Variants in NKX6-1 observed in about 807,000 individuals in gnomAD.
The protein encoded by NKX6-1 is homeobox protein Nkx-6.1.
Under a neutral mutation model 24.9 loss-of-function variants are expected in NKX6-1, and 11 were observed. That is an observed-to-expected ratio of 0.44 (90% CI 0.28 to 0.73). The LOEUF is 0.73. Ranked by LOEUF, NKX6-1 falls within the 30% of genes least tolerant of loss-of-function variation. NKX6-1 has a pLI of 0.15. For synonymous variants in NKX6-1, 277 were observed against 242.9 expected (o/e 1.14, Z -1.31); for missense variants, 487 against 502.9 (o/e 0.97, Z 0.30).
In NKX6-1 at chr4:84,497,845, G is replaced by A; in HGVS notation, c.384C>T (p.Ser128=). ...AGGCGGAGGAGGCAGAGGCGGACGA[G>A]GAAGAGGAGGAGGAGGAACCGGAGG... ...ASPSGSSSSS[S]SSASASSASA... is the part of the protein sequence containing the mutation. Residue 128 remains serine (S), a synonymous_variant, in exon 1 of 3, where the codon TCC becomes TCT. Coordinates refer to ENST00000295886, the MANE Select transcript of NKX6-1 (RefSeq NM_006168.3). This position sits in a 1 kb window ranked among gnomAD's most constrained non-coding sequence, Gnocchi z 4.8. 7.9e-7 allele frequency: 1 copy of A among 1,272,350 alleles called. No homozygotes were observed. Among genetic ancestry groups the A allele is most frequent in the Non-Finnish European group, 9.9e-7 (1 of 1,012,944 alleles). 78.8% of individuals were successfully genotyped at this position (1,272,350 alleles called of 1,614,324 possible). A position where few individuals can be genotyped will look rare whatever the true frequency, so the allele number is the denominator to read the frequency against.
Position 84,497,791 on chromosome 4 carries a change from G to GGCCGCGGCAGCA in NKX6-1, c.426_437dup (p.Ala147_Ala150dup). ...CCGCCGGGGATGAGGCGGCGGCTGC[G>GGCCGCGGCAGCA]GCCGCGGCAGCAGCCGCGGCGGCGG... On this transcript the variant is annotated inframe_insertion, in exon 1 of 3. Transcript: ENST00000295886. This position sits in a 1 kb window ranked among gnomAD's most constrained non-coding sequence, Gnocchi z 4.8. 7.9e-7 allele frequency: 1 copy of GGCCGCGGCAGCA among 1,270,570 alleles called. No homozygotes were observed. The highest frequency in any genetic ancestry group is 9.9e-7 in the Non-Finnish European group (1 of 1,011,862). The allele number at this position is 1,270,570 out of a possible 1,614,324, so 78.7% of individuals were successfully genotyped here.
At position 84,497,130 on chromosome 4, in the gene NKX6-1, C is replaced by T. The variant is rs1720835582; in HGVS notation, c.670+429G>A. The stretch of plus-strand genomic sequence containing the variant: ...AGGCTGGCGAAGGCGGAATGGGGCG[C>T]TGGACGACAGGGAGGAGCCGGGAAA... On this transcript the variant is annotated intron_variant, in intron 1 of 2. Coordinates refer to ENST00000295886, the MANE Select transcript of NKX6-1 (RefSeq NM_006168.3). The surrounding 1 kb of genome is among the most constrained non-coding windows in gnomAD (Gnocchi z 4.8). Among the ~76,000 whole-genome samples the T allele has an allele frequency of 6.6e-6, 1 of 152,172 alleles. No individual in the cohort carries two copies. The highest frequency in any genetic ancestry group is 1.9e-4 in the East Asian group (1 of 5,150).
At position 84,495,584 on chromosome 4, in the gene NKX6-1, G is replaced by GGTGT. The variant is rs10549802; in HGVS notation, c.843+84_843+87dup. 411 of 960,602 alleles carry GGTGT rather than the reference G, an allele frequency of 4.3e-4. 1 individual carries two copies. The African/African-American group carries it at 5.8e-3, about 14-fold the overall frequency. The allele number at this position is 960,602 out of a possible 1,614,324, so 59.5% of individuals were successfully genotyped here. ...CCCAGGCGACTGTTTGTTAGTTTGG[G>GGTGT]GTGTGTGTGTGTGTGTGTGTGCCCA... On this transcript the variant is annotated intron_variant, in intron 2 of 2. Coordinates refer to ENST00000295886, the MANE Select transcript of NKX6-1 (RefSeq NM_006168.3).
Position 84,497,426 on chromosome 4 carries a change from G to T in NKX6-1, c.670+133C>A. 1.7e-6 allele frequency: 2 copies of T among 1,198,134 alleles called. No homozygotes were observed. The highest frequency in any genetic ancestry group is 4.3e-5 in the South Asian group (1 of 23,128). The allele number at this position is 1,198,134 out of a possible 1,614,324, so 74.2% of individuals were successfully genotyped here. A position where few individuals can be genotyped will look rare whatever the true frequency, so the allele number is the denominator to read the frequency against. On this transcript the variant is annotated intron_variant, in intron 1 of 2. Transcript: ENST00000295886. The surrounding 1 kb of genome is among the most constrained non-coding windows in gnomAD (Gnocchi z 4.8). ...AGCCCTGGCCCAACCTAACTGGTGT[G>T]ATTCCGGCGCTGTCAAACTACTGGG...
In NKX6-1 at chr4:84,498,199, G is replaced by C. The variant is rs777171886; in HGVS notation, c.30C>G (p.Thr10=). The C allele has an allele frequency of 6.2e-6, 8 of 1,297,708 alleles. No homozygotes were observed. Among genetic ancestry groups the C allele is most frequent in the Non-Finnish European group, 7.8e-6 (8 of 1,022,824 alleles). The allele number at this position is 1,297,708 out of a possible 1,614,324, so 80.4% of individuals were successfully genotyped here. Residue 10 remains threonine (T), a synonymous_variant, in exon 1 of 3, where the codon ACC becomes ACG. Transcript: ENST00000295886. MLAVGAMEG[T]RQSAFLLSSP... ...TGCTGAGCAGGAATGCGCTCTGCCG[G>C]GTGCCCTCCATTGCCCCCACCGCTA... is the stretch of plus-strand genomic sequence containing the variant.
Position 84,499,087 on chromosome 4 carries a change from C to G in NKX6-1, c.-859G>C, listed in dbSNP as rs1308994718. Among the ~76,000 whole-genome samples the G allele has an allele frequency of 3.9e-5, 6 of 152,178 alleles. No individual in the cohort carries two copies. The highest frequency in any genetic ancestry group is 8.8e-5 in the Non-Finnish European group (6 of 68,032). ...CCACTTCTGCAAACGGGCCCGGCGACCCCCGCCCCACCCCCGCTCCCTCTC... is the reference window on the plus strand; with the variant it reads ...CCACTTCTGCAAACGGGCCCGGCGAGCCCCGCCCCACCCCCGCTCCCTCTC... On this transcript the variant is annotated 5_prime_UTR_variant, in exon 1 of 3. Coordinates refer to ENST00000295886, the MANE Select transcript of NKX6-1 (RefSeq NM_006168.3).
In NKX6-1 at chr4:84,493,240, G is replaced by T. The variant is rs748899240; in HGVS notation, c.*49C>A. ...GCACGCGGTCCCCGCGCCCCTCGCG[G>T]CCCCAGAGGTGGAGGCCGGAGCCGG... On this transcript the variant is annotated 3_prime_UTR_variant, in exon 3 of 3. Transcript: ENST00000295886. This position sits in a 1 kb window ranked among gnomAD's most constrained non-coding sequence, Gnocchi z 5.1. The T allele has an allele frequency of 6.2e-6, 9 of 1,457,850 alleles. No homozygotes were observed. In the African/African-American group the frequency reaches 8.8e-5, roughly 14 times the overall value. 90.3% of individuals were successfully genotyped at this position (1,457,850 alleles called of 1,614,324 possible).
chr4:84,498,186 A>T lies in NKX6-1; in HGVS notation c.43T>A (p.Phe15Ile), dbSNP rs1349434534. ...GCCAGGGGAGGGCTGCTGAGCAGGAATGCGCTCTGCCGGGTGCCCTCCATT... is the reference window on the plus strand; with the variant it reads ...GCCAGGGGAGGGCTGCTGAGCAGGATTGCGCTCTGCCGGGTGCCCTCCATT... ...GAMEGTRQSA[F>I]LLSSPPLAAL... The change falls in exon 1 of 3, where the codon TTC becomes ATC. Residue 15 changes from phenylalanine (F) to isoleucine (I), a missense_variant. By Grantham distance (21) the Phe-to-Ile change is conservative (BLOSUM62 0). Transcript: ENST00000295886. 1.5e-6 allele frequency: 2 copies of T among 1,297,856 alleles called. No individual in the cohort carries two copies. Among genetic ancestry groups the T allele is most frequent in the Non-Finnish European group, 2.0e-6 (2 of 1,022,836 alleles). 80.4% of individuals were successfully genotyped at this position (1,297,856 alleles called of 1,614,324 possible).
At position 84,493,687 on chromosome 4, in the gene NKX6-1, T is replaced by C; in HGVS notation, c.844-138A>G. ...GGCCTGCTGCCCTCCCTCGCAGCCC[T>C]CCCTTTTCTCGGCCGTCAAAGTCAG... On this transcript the variant is annotated intron_variant, in intron 2 of 2. Transcript: ENST00000295886. The surrounding 1 kb of genome is among the most constrained non-coding windows in gnomAD (Gnocchi z 5.1). The C allele has an allele frequency of 9.3e-7, 1 of 1,071,816 alleles. No homozygotes were observed. 66.4% of individuals were successfully genotyped at this position (1,071,816 alleles called of 1,614,324 possible).
rs1720760242 is a variant in NKX6-1 at position 84,493,298 on chromosome 4, G to A, written c.1095C>T (p.Ser365=). The change falls in exon 3 of 3, where the codon AGC becomes AGT. Residue 365 remains serine (S), a synonymous_variant. Coordinates refer to ENST00000295886, the MANE Select transcript of NKX6-1 (RefSeq NM_006168.3). The surrounding 1 kb of genome is among the most constrained non-coding windows in gnomAD (Gnocchi z 5.1). ...GLLLHASEPE[S]SS ...CGGCGGGCGGCGGCGTTCAGGATGA[G>A]CTCTCCGGCTCGGACGCGTGCAGTA... The A allele has an allele frequency of 6.3e-7, 1 of 1,585,706 alleles. No individual in the cohort carries two copies. The highest frequency in any genetic ancestry group is 1.7e-5 in the Admixed American group (1 of 59,120).
rs1228674478 is a variant in NKX6-1, at chr4:84,499,237, C to T, written c.-1009G>A. Among the ~76,000 whole-genome samples the T allele has an allele frequency of 6.6e-6, 1 of 152,248 alleles. No homozygotes were observed. Among genetic ancestry groups the T allele is most frequent in the African/African-American group, 2.4e-5 (1 of 41,472 alleles). On this transcript the variant is annotated 5_prime_UTR_variant, in exon 1 of 3. Coordinates refer to ENST00000295886, the MANE Select transcript of NKX6-1 (RefSeq NM_006168.3). ...TCTCCGCGGCTCCTCCGCTCTTTCT[C>T]TCCTTTCCTCTCTCCCTCCGGGCCT...
chr4:84,494,732 G>A (rs1019998807), intron 2 of NKX6-1, among the ~76,000 whole-genome samples: 8 of 152,260 alleles, frequency 5.3e-5, no homozygotes, highest in Middle Eastern at 6.8e-3. Context: ...GGCTGTCCAG[G>A]GGGAAATACA....
chr4:84,497,989 G>C lies in NKX6-1; in HGVS notation c.240C>G (p.Leu80=). ...GCTGCGGGGGGCTGCCGAGGGATGA[G>C]AGCCCCCCCGTGGCCGGGGGCTTCA... ...GGLKPPATGG[L]SSLGSPPQQL... The change falls in exon 1 of 3, where the codon CTC becomes CTG. Residue 80 remains leucine (L), a synonymous_variant. Transcript: ENST00000295886. The surrounding 1 kb of genome is among the most constrained non-coding windows in gnomAD (Gnocchi z 4.8). 1 of 1,290,038 alleles carries C rather than the reference G, an allele frequency of 7.8e-7. No homozygotes were observed. The highest frequency in any genetic ancestry group is 2.9e-5 in the East Asian group (1 of 35,006). The allele number at this position is 1,290,038 out of a possible 1,614,324, so 79.9% of individuals were successfully genotyped here.
Position 84,497,493 on chromosome 4 carries a change from C to T in NKX6-1, c.670+66G>A. 8.0e-7 allele frequency: 1 copy of T among 1,249,256 alleles called. No individual in the cohort carries two copies. The highest frequency in any genetic ancestry group is 1.0e-6 in the Non-Finnish European group (1 of 988,710). The allele number at this position is 1,249,256 out of a possible 1,614,324, so 77.4% of individuals were successfully genotyped here. ...ACTGAGCGGCATGCACACCAGGGGC[C>T]GCGACCCGGGAGTGGGCAGAACAGG... On this transcript the variant is annotated intron_variant, in intron 1 of 2. Transcript: ENST00000295886. This position sits in a 1 kb window ranked among gnomAD's most constrained non-coding sequence, Gnocchi z 4.8.
In NKX6-1 at chr4:84,497,989, G is replaced by T. The variant is rs758394007; in HGVS notation, c.240C>A (p.Leu80=). Residue 80 remains leucine, a synonymous_variant, in exon 1 of 3, where the codon CTC becomes CTA. Coordinates refer to ENST00000295886, the MANE Select transcript of NKX6-1 (RefSeq NM_006168.3). This position sits in a 1 kb window ranked among gnomAD's most constrained non-coding sequence, Gnocchi z 4.8. ...GGLKPPATGG[L]SSLGSPPQQL... ...GCTGCGGGGGGCTGCCGAGGGATGA[G>T]AGCCCCCCCGTGGCCGGGGGCTTCA... 7.8e-7 allele frequency: 1 copy of T among 1,290,038 alleles called. No homozygotes were observed. Among genetic ancestry groups the T allele is most frequent in the Non-Finnish European group, 9.8e-7 (1 of 1,016,642 alleles). 79.9% of individuals were successfully genotyped at this position (1,290,038 alleles called of 1,614,324 possible).
rs1308876194 is a variant in NKX6-1, at chr4:84,499,114, C to T, written c.-886G>A. On this transcript the variant is annotated 5_prime_UTR_variant, in exon 1 of 3. Coordinates refer to ENST00000295886, the MANE Select transcript of NKX6-1 (RefSeq NM_006168.3). ...CCCGCCCCACCCCCGCTCCCTCTCT[C>T]CCTCTCACTCTCAGCCTTTGACTCT... 6.6e-6 allele frequency among the ~76,000 whole-genome samples: 1 copy of T among 152,198 alleles called. No individual in the cohort carries two copies. Among genetic ancestry groups the T allele is most frequent in the South Asian group, 2.1e-4 (1 of 4,826 alleles).
chr4:84,497,420 T>C lies in NKX6-1; in HGVS notation c.670+139A>G. ...TCTGGAAGCCCTGGCCCAACCTAAC[T>C]GGTGTGATTCCGGCGCTGTCAAACT... is the stretch of plus-strand genomic sequence containing the variant. On this transcript the variant is annotated intron_variant, in intron 1 of 2. Coordinates refer to ENST00000295886, the MANE Select transcript of NKX6-1 (RefSeq NM_006168.3). The surrounding 1 kb of genome is among the most constrained non-coding windows in gnomAD (Gnocchi z 4.8). The C allele has an allele frequency of 6.8e-6, 8 of 1,175,062 alleles. No individual in the cohort carries two copies. The highest frequency in any genetic ancestry group is 8.6e-6 in the Non-Finnish European group (8 of 928,116). The allele number at this position is 1,175,062 out of a possible 1,614,324, so 72.8% of individuals were successfully genotyped here.
rs557300689 is a variant in NKX6-1, at chr4:84,493,653, C to T, written c.844-104G>A. 515 of 1,427,072 alleles carry T rather than the reference C, an allele frequency of 3.6e-4. 1 individual carries two copies. The South Asian group carries it at 5.5e-3, about 15-fold the overall frequency. 88.4% of individuals were successfully genotyped at this position (1,427,072 alleles called of 1,614,324 possible). A position where few individuals can be genotyped will look rare whatever the true frequency, so the allele number is the denominator to read the frequency against. ...CCGCATCTCGATGGCCCTCCCGCGGCCCCCCGAAGGCCTGCTGCCCTCCCT... is the reference window on the plus strand; with the variant it reads ...CCGCATCTCGATGGCCCTCCCGCGGTCCCCCGAAGGCCTGCTGCCCTCCCT... On this transcript the variant is annotated intron_variant, in intron 2 of 2. Transcript: ENST00000295886. The surrounding 1 kb of genome is among the most constrained non-coding windows in gnomAD (Gnocchi z 5.1).
chr4:84,497,999 G>C lies in NKX6-1; in HGVS notation c.230C>G (p.Thr77Arg). 7.8e-7 allele frequency: 1 copy of C among 1,283,238 alleles called. No homozygotes were observed. The highest frequency in any genetic ancestry group is 9.9e-7 in the Non-Finnish European group (1 of 1,013,606). The allele number at this position is 1,283,238 out of a possible 1,614,324, so 79.5% of individuals were successfully genotyped here. ...GCTGCCGAGGGATGAGAGCCCCCCC[G>C]TGGCCGGGGGCTTCAGGCCGCCTGG... ...HNPGGLKPPA[T>R]GGLSSLGSPP... The change falls in exon 1 of 3, where the codon ACG becomes AGG. Residue 77 changes from threonine (T) to arginine (R), a missense_variant. Thr to Arg is a moderately conservative substitution (Grantham distance 71). This residue lies in a region of NKX6-1 where 316 missense variants were observed against 311.4 expected (regional missense o/e 1.01). Coordinates refer to ENST00000295886, the MANE Select transcript of NKX6-1 (RefSeq NM_006168.3). This position sits in a 1 kb window ranked among gnomAD's most constrained non-coding sequence, Gnocchi z 4.8.
Sources: allele counts gnomAD v4.1 joint callset (sites outside exome capture counted in the v4.1 genomes callset), GRCh38; gene constraint gnomAD v4.1.1; regional missense constraint gnomAD v4.1.1; non-coding constraint Gnocchi (gnomAD v3.1); transcripts MANE v1.5; gene names NCBI Gene and HGNC (gene_info 2026-07-23, HGNC 2026-07-21).